Variants in UNC13B observed in about 807,000 individuals in gnomAD.
UNC13B encodes protein unc-13 homolog B.
In UNC13B, 144 loss-of-function variants were observed where a neutral mutation model predicts 211.0. The observed-to-expected ratio is 0.68, with a 90% CI of 0.60 to 0.78. The LOEUF (loss-of-function observed/expected upper bound fraction) is 0.78, where lower values mean the gene tolerates loss of function less well. Among genes scored for constraint, UNC13B ranks in the 30% least tolerant of loss-of-function variants. UNC13B has a pLI of 0.00. For synonymous variants in UNC13B, 709 were observed against 725.8 expected, an observed-to-expected ratio of 0.98 and a Z score of 0.37; for missense variants, 1,777 against 2,002.0, an observed-to-expected ratio of 0.89 and a Z score of 2.14.
At chr9:35,186,860 C>T (rs577175014) in intron 1 of UNC13B, among the ~76,000 whole-genome samples, 10 of 152,026 alleles carry the variant, frequency 6.6e-5, no homozygotes, top group Admixed American at 1.3e-4. Flanking sequence ...ACACCGCGCC[C>T]GGCCACGAGA....
chr9:35,363,327 A>T (rs533017542), intron 11 of UNC13B, among the ~76,000 whole-genome samples: 1 of 151,952 alleles, frequency 6.6e-6, no homozygotes, highest in Non-Finnish European at 1.5e-5. Flanking sequence ...GGAGAGGTAC[A>T]TTTCCAGTTT....
chr9:35,371,886 C>T (rs955681962), intron 13 of UNC13B: 2 of 152,720 alleles, frequency 1.3e-5, no homozygotes, highest in East Asian at 1.9e-4. Flanking sequence ...CATGCCCTTT[C>T]GAGCCTTTAA....
At position 35,328,651 on chromosome 9, in the gene UNC13B, CCTTCCTTCCTTCCTCCCTCCCTT is replaced by C. The variant is rs1342952378; in HGVS notation, c.9414+14664_9414+14686del. ...TCCTTCCTTCCTTCCTTCCTTCCTT[CCTTCCTTCCTTCCTCCCTCCCTT>C]CCTTCCCTTCCCTTTCTTCCTCCCT... On this transcript the variant is annotated intron_variant, in intron 11 of 39. Transcript: ENST00000635942. Among the ~76,000 whole-genome samples the C allele has an allele frequency of 4.2e-3, 473 of 113,694 alleles. 10 individuals carry two copies. In the East Asian group the frequency reaches 0.043, roughly 10 times the overall value. 74.6% of individuals were successfully genotyped at this position (113,694 alleles called of 152,430 possible). A position where few individuals can be genotyped will look rare whatever the true frequency, so the allele number is the denominator to read the frequency against.
intron 1 of UNC13B, among the ~76,000 whole-genome samples, chr9:35,205,135 G>C (rs1454979171): frequency 3.9e-5 from 6 of 152,086 alleles, no homozygotes; most frequent in Admixed American, 2.0e-4. Context: ...TTTTCCTCCT[G>C]CTCTGGCCAT....
At chr9:35,186,511 G>T (rs1822368187) in intron 1 of UNC13B, among the ~76,000 whole-genome samples, 1 of 152,058 alleles carries the variant, frequency 6.6e-6, no homozygotes, top group East Asian at 1.9e-4. Flanking sequence ...GAAAATTTAG[G>T]ACACAGATAC....
chr9:35,398,409 C>T (rs2274593), intron 31 of UNC13B, 121 bp downstream of exon 31: 318,244 of 1,390,654 alleles, frequency 0.23, 37,535 homozygotes, highest in South Asian at 0.29. Context: ...TCTGGGCTGG[C>T]TTAATCTGAG....
At chr9:35,191,106 C>T (rs1822634543) in intron 1 of UNC13B, among the ~76,000 whole-genome samples, 1 of 151,960 alleles carries the variant, frequency 6.6e-6, no homozygotes, top group Non-Finnish European at 1.5e-5. Flanking sequence ...ATTACAGGTG[C>T]CAGCCACCAC....
chr9:35,265,232 A>G (rs1337347462), intron 7 of UNC13B, among the ~76,000 whole-genome samples: 1 of 152,176 alleles, frequency 6.6e-6, no homozygotes, highest in East Asian at 1.9e-4. Flanking sequence ...TGGACATAGG[A>G]CCTGTGAGGA....
At chr9:35,188,025 A>G (rs1014536522) in intron 1 of UNC13B, among the ~76,000 whole-genome samples, 21 of 152,222 alleles carry the variant, frequency 1.4e-4, no homozygotes, top group African/African-American at 4.8e-4. Context: ...AGTAGTTCAA[A>G]ATAAGTTTCA....
rs747375169 is a variant in UNC13B at position 35,376,247 on chromosome 9, C to T, written c.9835C>T (p.Arg3279Trp). Residue 3279 changes from arginine to tryptophan, a missense_variant and splice_region_variant, in exon 15 of 40, where the codon CGG (arginine) becomes TGG (tryptophan). Coordinates refer to ENST00000635942, the MANE Select transcript of UNC13B (RefSeq NM_001371189.2). ...TCTGCTCAATGCTGACTGCCTGCAGCGTGAGTGCCCTGCGGGATGAGGGGC... is the reference window on the plus strand; with the variant it reads ...TCTGCTCAATGCTGACTGCCTGCAGTGTGAGTGCCCTGCGGGATGAGGGGC... Reference protein sequence around the residue: ...QDLLNADCLQRAAEKSCKHGA... With the variant: ...QDLLNADCLQWAAEKSCKHGA... 8.7e-6 allele frequency: 14 copies of T among 1,613,018 alleles called. No homozygotes were observed. The highest frequency in any genetic ancestry group is 2.2e-5 in the East Asian group (1 of 44,884).
At chr9:35,312,021 A>C (rs1587596065) in intron 10 of UNC13B, among the ~76,000 whole-genome samples, 1 of 152,252 alleles carries the variant, frequency 6.6e-6, no homozygotes, top group East Asian at 1.9e-4. Context: ...AGGATGTTTA[A>C]TAGCATCACT....
chr9:35,181,730 G>A (rs558980076), intron 1 of UNC13B, among the ~76,000 whole-genome samples: 132 of 152,242 alleles, frequency 8.7e-4, no homozygotes, highest in Non-Finnish European at 1.5e-3. Context: ...CCAGCTACTC[G>A]GGAGGCTGAG....
chr9:35,286,102 G>A (rs151015463), intron 7 of UNC13B, among the ~76,000 whole-genome samples: 361 of 152,182 alleles, frequency 2.4e-3, no homozygotes, highest in Non-Finnish European at 4.2e-3. Context: ...CTGACACAGA[G>A]CTCCTAATCT....
intron 7 of UNC13B, 45 bp from the exon 8 acceptor site, chr9:35,295,650 AC>A: frequency 6.4e-7 from 1 of 1,570,862 alleles, no homozygotes; most frequent in Non-Finnish European, 8.8e-7. Flanking sequence ...ATTCTGAAGA[AC>A]TAAATAAAGC....
At chr9:35,320,715 A>G (rs926416580) in intron 11 of UNC13B, among the ~76,000 whole-genome samples, 2 of 152,290 alleles carry the variant, frequency 1.3e-5, no homozygotes, top group African/African-American at 4.8e-5. Context: ...TTTCTACTGC[A>G]TGATGATGTA....
intron 11 of UNC13B, among the ~76,000 whole-genome samples, chr9:35,338,005 G>A: frequency 6.6e-6 from 1 of 152,126 alleles, no homozygotes; most frequent in Non-Finnish European, 1.5e-5. Context: ...AGAGATTGAG[G>A]CAGGGCCAAT....
chr9:35,213,089 A>C (rs12348402), intron 1 of UNC13B, among the ~76,000 whole-genome samples: 3,963 of 152,356 alleles, frequency 0.026, 173 homozygotes, highest in African/African-American at 0.088. Flanking sequence ...ACTGTGTTCC[A>C]GGGCAGTGCC....
intron 1 of UNC13B, among the ~76,000 whole-genome samples, chr9:35,203,250 A>T (rs1184996294): frequency 2.0e-5 from 3 of 152,170 alleles, no homozygotes; most frequent in Non-Finnish European, 4.4e-5. Flanking sequence ...TCTTCCTAGC[A>T]TCGATGGTCT....
Position 35,376,100 on chromosome 9 carries a change from G to C in UNC13B, c.9688G>C (p.Glu3230Gln), listed in dbSNP as rs1267745602. Residue 3230 changes from glutamate to glutamine, a missense_variant, in exon 15 of 40, where the codon GAG (glutamate) becomes CAG (glutamine). Coordinates refer to ENST00000635942, the MANE Select transcript of UNC13B (RefSeq NM_001371189.2). Reference protein sequence around the residue: ...PISCTTPHNFEVWTATTPTYC... With the variant: ...PISCTTPHNFQVWTATTPTYC... Reference sequence around the variant, plus strand: ...TTCGTGCACCACTCCTCATAACTTTGAGGTCTGGACGGCCACTACCCCAAC... The same window carrying C: ...TTCGTGCACCACTCCTCATAACTTTCAGGTCTGGACGGCCACTACCCCAAC... The C allele has an allele frequency of 6.2e-7, 1 of 1,614,262 alleles. No individual in the cohort carries two copies. Among genetic ancestry groups the C allele is most frequent in the South Asian group, 1.1e-5 (1 of 91,088 alleles).
Sources: gnomAD v4.1 joint callset for allele counts (sites outside exome capture counted in the v4.1 genomes callset) on GRCh38, gnomAD v4.1.1 for gene constraint, MANE v1.5 for transcripts, NCBI Gene and HGNC (gene_info 2026-07-23, HGNC 2026-07-21) for gene names.